The following WASF3 variants were observed in gnomAD, a reference collection of about 807,000 sequenced individuals.
WASF3 encodes the protein actin-binding protein WASF3.
Under a neutral mutation model 46.6 loss-of-function variants are expected in WASF3, and 11 were observed. That is an observed-to-expected ratio of 0.24 (90% CI 0.15 to 0.39). WASF3 has a LOEUF of 0.39. Among genes scored for constraint, WASF3 ranks in the 10% least tolerant of loss-of-function variants. The pLI is 1.00. For missense variants in WASF3, 576 were observed against 669.8 expected, an observed-to-expected ratio of 0.86 and a Z score of 1.55; for synonymous variants, 242 against 259.7, an observed-to-expected ratio of 0.93 and a Z score of 0.65.
At chr13:26,677,601 G>T (rs1593185655) in intron 7 of WASF3, among the ~76,000 whole-genome samples, 1 of 152,132 alleles carries the variant, frequency 6.6e-6, no homozygotes. Context: ...TGCCTTCAAT[G>T]TTCCCACCCC....
intron 3 of WASF3, among the ~76,000 whole-genome samples, chr13:26,663,287 G>A (rs557670862): frequency 4.0e-5 from 6 of 151,094 alleles, no homozygotes; most frequent in South Asian, 4.1e-4. Context: ...ACATGGAGAT[G>A]TTCAGTAGCT....
intron 9 of WASF3, among the ~76,000 whole-genome samples, chr13:26,684,538 A>G (rs1203567844): frequency 6.6e-6 from 1 of 152,220 alleles, no homozygotes; most frequent in South Asian, 2.1e-4. Flanking sequence ...TCCATTTGCA[A>G]TTAGATTGGG....
At chr13:26,603,228 G>C (rs1449492899) in intron 1 of WASF3, among the ~76,000 whole-genome samples, 1 of 152,148 alleles carries the variant, frequency 6.6e-6, no homozygotes, top group Non-Finnish European at 1.5e-5. Flanking sequence ...GTCGGGGCCT[G>C]GGTGGTACCT....
At chr13:26,568,397 G>A (rs1879537519) in intron 1 of WASF3, among the ~76,000 whole-genome samples, 1 of 152,162 alleles carries the variant, frequency 6.6e-6, no homozygotes. Flanking sequence ...GTAATGCACT[G>A]CTGCTGACAG....
rs566053309 is a variant in WASF3 at position 26,681,394 on chromosome 13, T to G, written c.983+74T>G. 6 of 1,479,604 alleles carry G rather than the reference T, an allele frequency of 4.1e-6. No homozygotes were observed. The South Asian group carries it at 6.9e-5, about 17-fold the overall frequency. 91.7% of individuals were successfully genotyped at this position (1,479,604 alleles called of 1,614,324 possible). A position where few individuals can be genotyped will look rare whatever the true frequency, so the allele number is the denominator to read the frequency against. The stretch of plus-strand genomic sequence containing the variant: ...ATCTTGCTCTATGTGGTAGGAGAAT[T>G]TTAACTCCGGTATTTTAGAGGCCAA... On this transcript the variant is annotated intron_variant, in intron 8 of 9. Coordinates refer to ENST00000335327, the MANE Select transcript of WASF3 (RefSeq NM_006646.6).
At chr13:26,556,627 C>A (rs1879103329), upstream of WASF3, among the ~76,000 whole-genome samples, 2 of 152,192 alleles carry the variant, frequency 1.3e-5, no homozygotes, top group Non-Finnish European at 2.9e-5. Flanking sequence ...AAGAGGGCTG[C>A]ATGATTTTTC....
chr13:26,604,710 G>T (rs1428172788), intron 1 of WASF3, among the ~76,000 whole-genome samples: 1 of 152,162 alleles, frequency 6.6e-6, no homozygotes. Context: ...TAGTTATAGG[G>T]TTCAGTAATT....
At chr13:26,577,557 TG>T in intron 1 of WASF3, 1 of 1,266,254 alleles carries the variant, frequency 7.9e-7, no homozygotes. Context: ...AAGTTTGAAT[TG>T]GGAAAACTCA....
chr13:26,598,164 G>A (rs945963931), intron 1 of WASF3, among the ~76,000 whole-genome samples: 2 of 152,150 alleles, frequency 1.3e-5, no homozygotes, highest in Non-Finnish European at 1.5e-5. Context: ...CATTCTAACC[G>A]GTATGAGATG....
At chr13:26,552,366 A>C in the WASF3 span, among the ~76,000 whole-genome samples, 1 of 152,240 alleles carries the variant, frequency 6.6e-6, no homozygotes. Context: ...AGTTAATATC[A>C]ATATACTGCC....
At chr13:26,654,454 A>T (rs943406459) in intron 3 of WASF3, among the ~76,000 whole-genome samples, 2 of 152,164 alleles carry the variant, frequency 1.3e-5, no homozygotes, top group African/African-American at 4.8e-5. Context: ...TTCACCAGAC[A>T]TATTGCTTGT....
chr13:26,638,253 G>T (rs1320071936), intron 2 of WASF3: 1 of 152,204 alleles, frequency 6.6e-6, no homozygotes, highest in Non-Finnish European at 1.5e-5. Flanking sequence ...ACAGCAGCCA[G>T]ACCAAGCTGG....
At chr13:26,577,238 A>G (rs1323751640) in intron 1 of WASF3, 3 of 734,440 alleles carry the variant, frequency 4.1e-6, no homozygotes, top group Admixed American at 1.8e-5. Context: ...AATGGCAGAC[A>G]GTGATTAAAG....
chr13:26,675,916 A>G lies in WASF3; in HGVS notation c.541-633A>G, dbSNP rs115373134. On this transcript the variant is annotated intron_variant, in intron 6 of 9. Transcript: ENST00000335327. ...AGGCAGGAAAAACTTAGAGGCACAC[A>G]TAGAAATAACTTCTCACGTTTCAAG... 6.9e-3 allele frequency among the ~76,000 whole-genome samples: 1,047 copies of G among 152,348 alleles called. 14 individuals carry two copies. The highest frequency in any genetic ancestry group is 0.024 in the African/African-American group (998 of 41,584).
intron 1 of WASF3, among the ~76,000 whole-genome samples, chr13:26,610,025 G>T (rs1880921927): frequency 6.6e-6 from 1 of 152,146 alleles, no homozygotes; most frequent in Non-Finnish European, 1.5e-5. Flanking sequence ...CTGGATCCAT[G>T]TGGCTGGAGG....
intron 7 of WASF3, among the ~76,000 whole-genome samples, chr13:26,677,365 T>C (rs1367511243): frequency 6.6e-6 from 1 of 152,234 alleles, no homozygotes; most frequent in Non-Finnish European, 1.5e-5. Flanking sequence ...AAATGACTAG[T>C]CAATTTTAAC....
At chr13:26,620,224 A>G (rs1208601744) in intron 2 of WASF3, among the ~76,000 whole-genome samples, 1 of 152,144 alleles carries the variant, frequency 6.6e-6, no homozygotes, top group African/African-American at 2.4e-5. Context: ...TTCCTGGTCA[A>G]AGCATCTCGG....
intron 1 of WASF3, 118 bp downstream of exon 1, chr13:26,557,937 T>G (rs1879149904): frequency 1.2e-5 from 3 of 254,388 alleles, no homozygotes; most frequent in Non-Finnish European, 2.2e-5. Context: ...AGTTGCTGCA[T>G]CGCCGCGCGC....
the WASF3 span, among the ~76,000 whole-genome samples, chr13:26,545,134 G>A: frequency 6.6e-6 from 1 of 152,182 alleles, no homozygotes. Context: ...ATCGACATGG[G>A]AAACCAGAGG....
Sources: gnomAD v4.1 joint callset for allele counts (sites outside exome capture counted in the v4.1 genomes callset) on GRCh38, gnomAD v4.1.1 for gene constraint, MANE v1.5 for transcripts, NCBI Gene and HGNC (gene_info 2026-07-23, HGNC 2026-07-21) for gene names.